Variants in CADPS observed in about 807,000 individuals in gnomAD.
CADPS encodes calcium dependent secretion activator, also known as calcium-dependent secretion activator 1.
Under a neutral mutation model 167.3 loss-of-function variants are expected in CADPS, and 57 were observed. The observed-to-expected ratio is 0.34, with a 90% CI of 0.28 to 0.42. CADPS has a LOEUF of 0.42. Ranked by LOEUF, CADPS falls within the 20% of genes least tolerant of loss-of-function variation. The pLI is 1.00. For missense variants in CADPS, 1,414 were observed against 1,738.1 expected (o/e 0.81, Z 3.32); for synonymous variants, 676 against 635.3 (o/e 1.06, Z -0.96).
At chr3:62,832,662 T>C (rs2152995531) in intron 1 of CADPS, among the ~76,000 whole-genome samples, 1 of 152,352 alleles carries the variant, frequency 6.6e-6, no homozygotes, top group South Asian at 2.1e-4. Flanking sequence ...TAACGCTGCC[T>C]CTCCTCACAT....
chr3:62,566,754 A>T (rs969556310), intron 9 of CADPS, among the ~76,000 whole-genome samples: 2 of 152,086 alleles, frequency 1.3e-5, no homozygotes, highest in Non-Finnish European at 2.9e-5. Flanking sequence ...CTCTCACGTC[A>T]CCTCTGTGTG....
intron 1 of CADPS, among the ~76,000 whole-genome samples, chr3:62,844,546 A>G (rs554163750): frequency 6.7e-4 from 102 of 152,332 alleles, no homozygotes; most frequent in African/African-American, 2.4e-3. Flanking sequence ...GTGAAAGCCA[A>G]GGACACACAA....
At chr3:62,442,658 G>A (rs1443877636) in intron 27 of CADPS, among the ~76,000 whole-genome samples, 1 of 152,140 alleles carries the variant, frequency 6.6e-6, no homozygotes, top group Admixed American at 6.5e-5. Context: ...CGGAGTTGGA[G>A]AGAGATGCAC....
intron 6 of CADPS, among the ~76,000 whole-genome samples, chr3:62,640,354 TAATGTGGGAAC>T (rs1213848220): frequency 6.6e-6 from 1 of 152,178 alleles, no homozygotes; most frequent in Non-Finnish European, 1.5e-5. Flanking sequence ...GTAACTGACT[TAATGTGGGAAC>T]AATTTAATAG....
chr3:62,780,571 A>G (rs1474143416), intron 1 of CADPS, among the ~76,000 whole-genome samples: 2 of 152,124 alleles, frequency 1.3e-5, no homozygotes. Flanking sequence ...ACTTTTTTCT[A>G]CTGATTAGGT....
At position 62,874,745 on chromosome 3, in the gene CADPS, C is replaced by A; in HGVS notation, c.285G>T (p.Ser95=). 2 of 1,512,518 alleles carry A rather than the reference C, an allele frequency of 1.3e-6. No homozygotes were observed. Among genetic ancestry groups the A allele is most frequent in the Non-Finnish European group, 1.8e-6 (2 of 1,113,894 alleles). 93.7% of individuals were successfully genotyped at this position (1,512,518 alleles called of 1,614,324 possible). A position where few individuals can be genotyped will look rare whatever the true frequency, so the allele number is the denominator to read the frequency against. The stretch of plus-strand genomic sequence containing the variant: ...CTTCCTTCTCCTTCTCGCTCACCAC[C>A]GACGGGCTGGGGCTGGAGGGCCGGC... ...GGGRPSSPSP[S]VVSEKEKEEL... The change falls in exon 1 of 30, where the codon TCG becomes TCT. Residue 95 remains serine, a synonymous_variant. Transcript: ENST00000383710. This position sits in a 1 kb window ranked among gnomAD's most constrained non-coding sequence, Gnocchi z 7.1.
intron 11 of CADPS, among the ~76,000 whole-genome samples, chr3:62,538,493 C>T (rs553105867): frequency 2.6e-5 from 4 of 152,222 alleles, no homozygotes; most frequent in South Asian, 2.1e-4. Context: ...GGGGTACACA[C>T]GAATTGCTCA....
intron 1 of CADPS, among the ~76,000 whole-genome samples, chr3:62,782,357 T>C (rs1334786397): frequency 6.6e-6 from 1 of 152,180 alleles, no homozygotes; most frequent in African/African-American, 2.4e-5. Flanking sequence ...TTATTAAGCA[T>C]CACTATGTGC....
At chr3:62,817,458 C>G (rs536736493) in intron 1 of CADPS, among the ~76,000 whole-genome samples, 22 of 152,172 alleles carry the variant, frequency 1.4e-4, no homozygotes, top group African/African-American at 5.1e-4. Context: ...AGCAGGGCTC[C>G]CTGGAAAAGG....
intron 1 of CADPS, among the ~76,000 whole-genome samples, chr3:62,832,869 G>T (rs1430126912): frequency 6.6e-6 from 1 of 152,222 alleles, no homozygotes; most frequent in Non-Finnish European, 1.5e-5. Flanking sequence ...GGGGCCATCT[G>T]CTTCATGCTG....
chr3:62,644,039 C>T (rs2067998096), intron 6 of CADPS, among the ~76,000 whole-genome samples: 3 of 152,176 alleles, frequency 2.0e-5, no homozygotes, highest in Non-Finnish European at 4.4e-5. Context: ...TTAATTTCTC[C>T]CAGCTTCTGA....
rs181166225 is a variant in CADPS at position 62,646,193 on chromosome 3, G to A, written c.1204-350C>T. On this transcript the variant is annotated intron_variant, in intron 5 of 29. Coordinates refer to ENST00000383710, the MANE Select transcript of CADPS (RefSeq NM_003716.4). Reference sequence around the variant, plus strand: ...TTTTTTTTTTTTGAGATGGAGTCTCGCTCTGTCACCCAGGCTGGAGTGGTG... The same window carrying A: ...TTTTTTTTTTTTGAGATGGAGTCTCACTCTGTCACCCAGGCTGGAGTGGTG... Among the ~76,000 whole-genome samples the A allele has an allele frequency of 3.4e-3, 472 of 137,716 alleles. 2 individuals are homozygous for A. Among genetic ancestry groups the A allele is most frequent in the African/African-American group, 0.012 (420 of 36,180 alleles). The allele number at this position is 137,716 out of a possible 152,430, so 90.3% of individuals were successfully genotyped here.
chr3:62,621,792 C>A (rs370514756), intron 6 of CADPS, among the ~76,000 whole-genome samples: 2 of 152,048 alleles, frequency 1.3e-5, no homozygotes, highest in African/African-American at 4.8e-5. Flanking sequence ...TCTATACCTC[C>A]GTGAGTTCCC....
intron 1 of CADPS, among the ~76,000 whole-genome samples, chr3:62,869,960 G>C (rs2082325059): frequency 6.6e-6 from 1 of 152,106 alleles, no homozygotes; most frequent in East Asian, 1.9e-4. Context: ...ATTTTACTCA[G>C]TGCAATTCTT....
rs2076207441 is a variant in CADPS, at chr3:62,544,791, G to C, written c.1966+5112C>G. ...TAAGGGGGAGGGAAGCACATTGCAG[G>C]TGTCAGATAATCTAATCTGATTATC... On this transcript the variant is annotated intron_variant, in intron 11 of 29. Transcript: ENST00000383710. The surrounding 1 kb of genome is among the most constrained non-coding windows in gnomAD (Gnocchi z 4.4). 1 of 936,714 alleles carries C rather than the reference G, an allele frequency of 1.1e-6. No individual in the cohort carries two copies. The highest frequency in any genetic ancestry group is 1.8e-5 in the African/African-American group (1 of 56,354). 58.0% of individuals were successfully genotyped at this position (936,714 alleles called of 1,614,324 possible). A position where few individuals can be genotyped will look rare whatever the true frequency, so the allele number is the denominator to read the frequency against.
At chr3:62,720,389 G>C (rs1046169808) in intron 3 of CADPS, among the ~76,000 whole-genome samples, 1 of 151,596 alleles carries the variant, frequency 6.6e-6, no homozygotes, top group Non-Finnish European at 1.5e-5. Context: ...CTGCAGTGCA[G>C]TGGTAAGATC....
chr3:62,811,614 T>C lies in CADPS; in HGVS notation c.442-45630A>G, dbSNP rs578033365. Reference sequence around the variant, plus strand: ...CCTAAGACCTTCTCCAGCAGTTACTTCTCTTCCTTCTCTGACAGGTGTGCC... The same window carrying C: ...CCTAAGACCTTCTCCAGCAGTTACTCCTCTTCCTTCTCTGACAGGTGTGCC... On this transcript the variant is annotated intron_variant, in intron 1 of 29. Coordinates refer to ENST00000383710, the MANE Select transcript of CADPS (RefSeq NM_003716.4). Among the ~76,000 whole-genome samples, 10 of 152,308 alleles carry C rather than the reference T, an allele frequency of 6.6e-5. No individual in the cohort carries two copies. In the East Asian group the frequency reaches 1.3e-3, roughly 21 times the overall value.
At chr3:62,519,023 G>C (rs1280566974) in intron 13 of CADPS, among the ~76,000 whole-genome samples, 1 of 152,022 alleles carries the variant, frequency 6.6e-6, no homozygotes, top group East Asian at 1.9e-4. Context: ...GTCATCTTTA[G>C]GTGCATACAT....
chr3:62,612,289 G>A (rs1453216576), intron 6 of CADPS, among the ~76,000 whole-genome samples: 1 of 152,150 alleles, frequency 6.6e-6, no homozygotes, highest in East Asian at 1.9e-4. Context: ...GGTGTCATGA[G>A]GTTAAATGAA....
Sources: allele counts gnomAD v4.1 joint callset (sites outside exome capture counted in the v4.1 genomes callset), GRCh38; gene constraint gnomAD v4.1.1; non-coding constraint Gnocchi (gnomAD v3.1); transcripts MANE v1.5; gene names NCBI Gene and HGNC (gene_info 2026-07-23, HGNC 2026-07-21).